Variants in SHLD3 observed in about 807,000 individuals in gnomAD.
SHLD3 encodes the protein REV7-interacting novel NHEJ regulator 1.
SHLD3 carries 15 observed loss-of-function variants against 21.4 expected under a neutral mutation model. The ratio of observed to expected loss-of-function variants is 0.70; its 90% CI spans 0.47 to 1.08. The LOEUF is 1.08. SHLD3 is among the 50% of genes least tolerant of loss of function. SHLD3 has a pLI of 0.00. For missense variants in SHLD3, 273 were observed against 286.1 expected, an observed-to-expected ratio of 0.95 and a Z score of 0.33; for synonymous variants, 103 against 97.2, an observed-to-expected ratio of 1.06 and a Z score of -0.35.
intron 1 of SHLD3, 97 bp downstream of exon 1, chr5:65,625,203 CAG>C: frequency 9.8e-7 from 1 of 1,020,976 alleles, no homozygotes; most frequent in South Asian, 1.3e-5. Context: ...CTTAAACACT[CAG>C]TGCTCGCCCT....
At position 65,625,091 on chromosome 5, in the gene SHLD3, C is replaced by T. The variant is rs1444167616; in HGVS notation, c.-136C>T. 1 of 1,613,782 alleles carries T rather than the reference C, an allele frequency of 6.2e-7. No homozygotes were observed. Among genetic ancestry groups the T allele is most frequent in the South Asian group, 1.1e-5 (1 of 91,080 alleles). ...AGTGAATCCCCCTAAACAGGAGCAC[C>T]TGCTGGCGCTAAAAGGTAAACTTTT... is the stretch of plus-strand genomic sequence containing the variant. On this transcript the variant is annotated 5_prime_UTR_variant, in exon 1 of 2. Transcript: ENST00000510585.
Position 65,630,366 on chromosome 5 carries a change from A to G in SHLD3, c.*26A>G, listed in dbSNP as rs1581206660. 4 of 1,458,322 alleles carry G rather than the reference A, an allele frequency of 2.7e-6. No homozygotes were observed. Among genetic ancestry groups the G allele is most frequent in the South Asian group, 1.4e-5 (1 of 70,720 alleles). 90.3% of individuals were successfully genotyped at this position (1,458,322 alleles called of 1,614,324 possible). ...TGAATTCCACTGATTGTCAAAAAGA[A>G]TATTCTGAATGAAATGAATATGGAT... is the stretch of plus-strand genomic sequence containing the variant. On this transcript the variant is annotated 3_prime_UTR_variant, in exon 2 of 2. Coordinates refer to ENST00000510585, the MANE Select transcript of SHLD3 (RefSeq NM_001365341.2).
Position 65,630,708 on chromosome 5 carries a change from T to A in SHLD3, c.*368T>A. ...AAATAAAACTCGAAACAATTCTCTT[T>A]GGAGTGCTATTTATGTGGCATGAAT... On this transcript the variant is annotated 3_prime_UTR_variant, in exon 2 of 2. Transcript: ENST00000510585. The A allele has an allele frequency of 1.0e-6, 1 of 983,774 alleles. No homozygotes were observed. The highest frequency in any genetic ancestry group is 1.7e-5 in the African/African-American group (1 of 57,376). 60.9% of individuals were successfully genotyped at this position (983,774 alleles called of 1,614,324 possible).
In SHLD3 at chr5:65,630,300, AT is replaced by A. The variant is rs2150661863; in HGVS notation, c.716del (p.Leu239TyrfsTer17). On this transcript the variant is annotated frameshift_variant, in exon 2 of 2. Coordinates refer to ENST00000510585, the MANE Select transcript of SHLD3 (RefSeq NM_001365341.2). LOFTEE classifies it high-confidence loss of function. Reference protein sequence around the residue: ...KGRLALTGKINLFVHKYGVIF... With the variant: ...KGRLALTGKIXLFVHKYGVIF... ...AGATTAGCTCTTACTGGAAAAATTA[AT>A]TTATTTGTGCATAAATATGGTGTTA... The A allele has an allele frequency of 1.3e-6, 2 of 1,530,276 alleles. No homozygotes were observed. Among genetic ancestry groups the A allele is most frequent in the South Asian group, 1.2e-5 (1 of 83,514 alleles). 94.8% of individuals were successfully genotyped at this position (1,530,276 alleles called of 1,614,324 possible). A position where few individuals can be genotyped will look rare whatever the true frequency, so the allele number is the denominator to read the frequency against.
At position 65,630,805 on chromosome 5, in the gene SHLD3, C is replaced by A; in HGVS notation, c.*465C>A. The A allele has an allele frequency of 2.1e-6, 1 of 472,218 alleles. No individual in the cohort carries two copies. The highest frequency in any genetic ancestry group is 2.8e-6 in the Non-Finnish European group (1 of 360,612). The allele number at this position is 472,218 out of a possible 1,614,324, so 29.3% of individuals were successfully genotyped here. On this transcript the variant is annotated 3_prime_UTR_variant, in exon 2 of 2. Transcript: ENST00000510585. ...AAGATATGTAATAACAATTGATAGG[C>A]TGTTTTCAAACAACGATACAAAATG...
chr5:65,629,829 C>G lies in SHLD3; in HGVS notation c.242C>G (p.Ser81Ter). 1 of 1,536,048 alleles carries G rather than the reference C, an allele frequency of 6.5e-7. No homozygotes were observed. Among genetic ancestry groups the G allele is most frequent in the Non-Finnish European group, 8.7e-7 (1 of 1,146,880 alleles). ...ACCATTTCAGAACATGATGCTAAGT[C>G]ACACAGTTATGATTGCACAGTAGAT... is the stretch of plus-strand genomic sequence containing the variant. ...YLTISEHDAKSHSYDCTVDLL... is the reference protein window; with the variant it reads ...YLTISEHDAK Residue 81 changes from serine (S) to a stop codon, truncating the protein, a stop_gained, in exon 2 of 2, where the codon TCA becomes TGA. Transcript: ENST00000510585. LOFTEE classifies it high-confidence loss of function.
intron 1 of SHLD3, among the ~76,000 whole-genome samples, chr5:65,627,308 A>G (rs1431241903): frequency 2.0e-5 from 3 of 151,960 alleles, no homozygotes; most frequent in Non-Finnish European, 2.9e-5. Flanking sequence ...CTGAATGCCA[A>G]ATGTATTAAT....
In SHLD3 at chr5:65,630,629, C is replaced by CTA; in HGVS notation, c.*290_*291dup. 6.7e-6 allele frequency: 7 copies of CTA among 1,040,684 alleles called. No individual in the cohort carries two copies. The highest frequency in any genetic ancestry group is 8.1e-6 in the Non-Finnish European group (7 of 865,764). 64.5% of individuals were successfully genotyped at this position (1,040,684 alleles called of 1,614,324 possible). A position where few individuals can be genotyped will look rare whatever the true frequency, so the allele number is the denominator to read the frequency against. Reference sequence around the variant, plus strand: ...GTATAGTTTGGATTTTGGTTAATCTCTAAAATCTAATTTTACTGTATTTTT... The same window carrying CTA: ...GTATAGTTTGGATTTTGGTTAATCTCTATAAAATCTAATTTTACTGTATTTTT... On this transcript the variant is annotated 3_prime_UTR_variant, in exon 2 of 2. Coordinates refer to ENST00000510585, the MANE Select transcript of SHLD3 (RefSeq NM_001365341.2).
intron 1 of SHLD3, among the ~76,000 whole-genome samples, chr5:65,628,231 G>C (rs138405596): frequency 6.6e-6 from 1 of 152,216 alleles, no homozygotes; most frequent in Non-Finnish European, 1.5e-5. Flanking sequence ...TAGGAGTCTA[G>C]ACTTCTTGTT....
rs779274175 is a variant in SHLD3 at position 65,625,119 on chromosome 5, G to A, written c.-121+13G>A. ...CTGGCGCTAAAAGGTAAACTTTTGC[G>A]AACCTGATTCCCCCTTTTCTGTTTC... On this transcript the variant is annotated intron_variant, in intron 1 of 1. Transcript: ENST00000510585. 1.2e-6 allele frequency: 2 copies of A among 1,609,838 alleles called. No individual in the cohort carries two copies. Among genetic ancestry groups the A allele is most frequent in the South Asian group, 2.2e-5 (2 of 91,002 alleles).
At chr5:65,627,588 C>T (rs564042947) in intron 1 of SHLD3, among the ~76,000 whole-genome samples, 2 of 151,590 alleles carry the variant, frequency 1.3e-5, no homozygotes, top group Admixed American at 6.6e-5. Context: ...CGAGATTGTG[C>T]CACTGCACTC....
chr5:65,627,983 C>T (rs926098175), intron 1 of SHLD3, among the ~76,000 whole-genome samples: 6 of 152,142 alleles, frequency 3.9e-5, no homozygotes, highest in Non-Finnish European at 7.3e-5. Context: ...GGAGAACCCT[C>T]ATCAAGTAAT....
At chr5:65,625,876 A>C (rs1247289107) in intron 1 of SHLD3, 1 of 152,232 alleles carries the variant, frequency 6.6e-6, no homozygotes, top group African/African-American at 2.4e-5. Context: ...GAGCTGAGGA[A>C]ATGCTCAATA....
chr5:65,629,348 C>A, intron 1 of SHLD3, 120 bp from the exon 2 acceptor site: 1 of 617,832 alleles, frequency 1.6e-6, no homozygotes, highest in Non-Finnish European at 2.3e-6. Flanking sequence ...TTACCAATAG[C>A]ACTTTGGTAA....
chr5:65,630,511 A>G lies in SHLD3; in HGVS notation c.*171A>G, dbSNP rs2150662193. 10 of 1,328,348 alleles carry G rather than the reference A, an allele frequency of 7.5e-6. No homozygotes were observed. The highest frequency in any genetic ancestry group is 9.6e-6 in the Non-Finnish European group (10 of 1,044,128). 82.3% of individuals were successfully genotyped at this position (1,328,348 alleles called of 1,614,324 possible). On this transcript the variant is annotated 3_prime_UTR_variant, in exon 2 of 2. Coordinates refer to ENST00000510585, the MANE Select transcript of SHLD3 (RefSeq NM_001365341.2). ...CTGCTTATTGGCAGCCTTCTTTTAA[A>G]TGTGATAAATTATTGTTTACACTGA...
rs771947125 is a variant in SHLD3 at position 65,630,180 on chromosome 5, C to T, written c.593C>T (p.Pro198Leu). 1 of 1,535,852 alleles carries T rather than the reference C, an allele frequency of 6.5e-7. No homozygotes were observed. The highest frequency in any genetic ancestry group is 1.4e-5 in the African/African-American group (1 of 73,030). The part of the protein sequence containing the change: ...LNQIIRHNEL[P>L]SCNATIQRHL... ...CAAATTATTAGGCACAATGAACTTC[C>T]ATCTTGTAATGCTACAATTCAGAGG... Residue 198 changes from proline to leucine, a missense_variant, in exon 2 of 2, where the codon CCA (proline) becomes CTA (leucine). Physicochemically the swap from Pro to Leu is moderately conservative, Grantham distance 98 (BLOSUM62 -3). Coordinates refer to ENST00000510585, the MANE Select transcript of SHLD3 (RefSeq NM_001365341.2).
At chr5:65,625,184 C>T in intron 1 of SHLD3, 78 bp downstream of exon 1, 3 of 1,225,926 alleles carry the variant, frequency 2.4e-6, no homozygotes, top group Non-Finnish European at 3.6e-6. Context: ...CCATGTAGGC[C>T]TCATCCTTCT....
At chr5:65,627,379 T>G (rs779986577) in intron 1 of SHLD3, among the ~76,000 whole-genome samples, 1 of 152,054 alleles carries the variant, frequency 6.6e-6, no homozygotes, top group Non-Finnish European at 1.5e-5. Context: ...GATAATATCT[T>G]GTTATTCTTG....
chr5:65,625,125 G>T lies in SHLD3; in HGVS notation c.-121+19G>T, dbSNP rs1420090924. 2 of 1,607,490 alleles carry T rather than the reference G, an allele frequency of 1.2e-6. No homozygotes were observed. The highest frequency in any genetic ancestry group is 2.2e-5 in the East Asian group (1 of 44,848). On this transcript the variant is annotated intron_variant, in intron 1 of 1. Transcript: ENST00000510585. ...CTAAAAGGTAAACTTTTGCGAACCT[G>T]ATTCCCCCTTTTCTGTTTCCTTGCA...
Sources: gnomAD v4.1 joint callset for allele counts (sites outside exome capture counted in the v4.1 genomes callset) on GRCh38, gnomAD v4.1.1 for gene constraint, MANE v1.5 for transcripts, NCBI Gene and HGNC (gene_info 2026-07-23, HGNC 2026-07-21) for gene names.